Variants in KLRG2 observed in about 807,000 individuals in gnomAD.
KLRG2 encodes the protein killer cell lectin-like receptor subfamily G member 2.
Under a neutral mutation model 35.4 loss-of-function variants are expected in KLRG2, and 39 were observed. That is an observed-to-expected ratio of 1.10 (90% CI 0.85 to 1.44). KLRG2 has a LOEUF of 1.44. KLRG2 is among the 40% of genes most tolerant of loss of function. The pLI is 0.00. For synonymous variants in KLRG2, 283 were observed against 265.8 expected (o/e 1.06, Z -0.63); for missense variants, 632 against 570.9 (o/e 1.11, Z -1.09).
intron 3 of KLRG2, among the ~76,000 whole-genome samples, chr7:139,465,912 A>G (rs1041309012): frequency 6.6e-6 from 1 of 152,004 alleles, no homozygotes; most frequent in Non-Finnish European, 1.5e-5. Context: ...GCACCTATCA[A>G]TCTCTTCCCA....
chr7:139,454,747 CAG>C (rs1201949667), intron 3 of KLRG2, among the ~76,000 whole-genome samples: 5 of 151,326 alleles, frequency 3.3e-5, no homozygotes, highest in Non-Finnish European at 7.4e-5. Context: ...GCCCAGGAGA[CAG>C]AGGTTGCAGT....
chr7:139,436,123 G>T, the KLRG2 span, among the ~76,000 whole-genome samples: 1 of 151,984 alleles, frequency 6.6e-6, no homozygotes, highest in African/African-American at 2.4e-5. Context: ...GGCTGGTCTC[G>T]AACTCCTGAC....
chr7:139,442,974 T>C, the KLRG2 span, among the ~76,000 whole-genome samples: 2 of 150,952 alleles, frequency 1.3e-5, no homozygotes, highest in East Asian at 3.9e-4. Context: ...CAAAGTAGAA[T>C]AGACAAAAGT....
chr7:139,461,479 G>A (rs1796566153), intron 3 of KLRG2, among the ~76,000 whole-genome samples: 1 of 152,190 alleles, frequency 6.6e-6, no homozygotes, highest in Non-Finnish European at 1.5e-5. Flanking sequence ...AGGCCTCTGA[G>A]CCCAAGCTAA....
intron 3 of KLRG2, among the ~76,000 whole-genome samples, chr7:139,476,230 C>G (rs994372795): frequency 1.3e-5 from 2 of 152,154 alleles, no homozygotes; most frequent in African/African-American, 4.8e-5. Context: ...TGGCAAAACT[C>G]TGACTCCACT....
intron 3 of KLRG2, among the ~76,000 whole-genome samples, chr7:139,459,925 T>C (rs1796540247): frequency 6.6e-6 from 1 of 152,186 alleles, no homozygotes. Context: ...TAATTTTTTG[T>C]ATTTTTAGTA....
chr7:139,483,238 C>T lies in KLRG2; in HGVS notation c.405G>A (p.Ala135=). Residue 135 remains alanine (A), a synonymous_variant, in exon 1 of 5, where the codon GCG becomes GCA. Coordinates refer to ENST00000340940, the MANE Select transcript of KLRG2 (RefSeq NM_198508.4). Reference sequence around the variant, plus strand: ...GCGATGGCGTGCTGCTGCCACCGGCCGCGCCCACGGGCTTCACGCGCACAT... The same window carrying T: ...GCGATGGCGTGCTGCTGCCACCGGCTGCGCCCACGGGCTTCACGCGCACAT... The part of the protein sequence containing the change: ...QVDVRVKPVG[A]AGGSSTPSPR... 1.3e-6 allele frequency: 2 copies of T among 1,543,788 alleles called. No homozygotes were observed. The highest frequency in any genetic ancestry group is 1.9e-5 in the Admixed American group (1 of 52,636).
At chr7:139,458,565 C>A (rs1038803846) in intron 3 of KLRG2, among the ~76,000 whole-genome samples, 1 of 149,620 alleles carries the variant, frequency 6.7e-6, no homozygotes, top group Admixed American at 6.6e-5. Context: ...AACTCCCCAT[C>A]CCCCGCTGCA....
Position 139,483,561 on chromosome 7 carries a change from TG to T in KLRG2, c.81del (p.Thr28ArgfsTer99). On this transcript the variant is annotated frameshift_variant, in exon 1 of 5. Transcript: ENST00000340940. LOFTEE classifies it high-confidence loss of function. ...LPMEPVGSLVPTLEQPQVPAK... is the reference protein window; with the variant it reads ...LPMEPVGSLVXTLEQPQVPAK... Reference sequence around the variant, plus strand: ...GCGGGCACCTGCGGCTGCTCCAGCGTGGGGACCAGGCTTCCCACGGGCTCCA... The same window carrying T: ...GCGGGCACCTGCGGCTGCTCCAGCGTGGGACCAGGCTTCCCACGGGCTCCA... The T allele has an allele frequency of 6.3e-7, 1 of 1,598,514 alleles. No homozygotes were observed. Among genetic ancestry groups the T allele is most frequent in the Non-Finnish European group, 8.5e-7 (1 of 1,178,862 alleles).
downstream of KLRG2, among the ~76,000 whole-genome samples, chr7:139,447,950 A>G (rs568575972): frequency 2.0e-5 from 3 of 152,262 alleles, no homozygotes; most frequent in African/African-American, 7.2e-5. Context: ...CCAACACTCT[A>G]CGAGTGCTAA....
chr7:139,438,394 C>G, the KLRG2 span, among the ~76,000 whole-genome samples: 2 of 152,024 alleles, frequency 1.3e-5, no homozygotes, highest in African/African-American at 4.8e-5. Flanking sequence ...GGCTATTTTC[C>G]TTGGTATATA....
chr7:139,477,526 G>C (rs1796871682), intron 3 of KLRG2, among the ~76,000 whole-genome samples: 1 of 152,098 alleles, frequency 6.6e-6, no homozygotes, highest in South Asian at 2.1e-4. Flanking sequence ...TCTTAGAATA[G>C]TTCAAACCAA....
the KLRG2 span, among the ~76,000 whole-genome samples, chr7:139,437,392 T>C: frequency 8.2e-6 from 1 of 121,876 alleles, no homozygotes; most frequent in African/African-American, 3.2e-5. Flanking sequence ...ACTACTGCAC[T>C]CCAGCCCGGG....
the KLRG2 span, among the ~76,000 whole-genome samples, chr7:139,430,389 C>T: frequency 2.8e-5 from 4 of 141,770 alleles, no homozygotes; most frequent in Non-Finnish European, 6.0e-5. Context: ...GCAACAAGAG[C>T]GAAACTCCAT....
At chr7:139,446,616 C>T in the KLRG2 span, among the ~76,000 whole-genome samples, 1 of 152,138 alleles carries the variant, frequency 6.6e-6, no homozygotes, top group East Asian at 1.9e-4. Context: ...GCTGGGATTA[C>T]AGGCGTGAGC....
chr7:139,448,039 G>T (rs566645726), downstream of KLRG2, among the ~76,000 whole-genome samples: 2 of 152,228 alleles, frequency 1.3e-5, no homozygotes, highest in East Asian at 3.9e-4. Flanking sequence ...CTGTCACTCA[G>T]GCTGGAGTGC....
At chr7:139,442,911 A>G in the KLRG2 span, among the ~76,000 whole-genome samples, 1 of 152,144 alleles carries the variant, frequency 6.6e-6, no homozygotes, top group Non-Finnish European at 1.5e-5. Flanking sequence ...AATCATAAAA[A>G]GGAAGAGCAA....
Position 139,454,129 on chromosome 7 carries a change from GC to G in KLRG2, c.1090del (p.Ala364ProfsTer69), listed in dbSNP as rs1569409153. 1.3e-6 allele frequency: 2 copies of G among 1,541,584 alleles called. No individual in the cohort carries two copies. Among genetic ancestry groups the G allele is most frequent in the South Asian group, 2.4e-5 (2 of 83,812 alleles). On this transcript the variant is annotated frameshift_variant, in exon 4 of 5. Coordinates refer to ENST00000340940, the MANE Select transcript of KLRG2 (RefSeq NM_198508.4). LOFTEE classifies it low-confidence loss of function (END_TRUNC). ...GPQGWHWIDE[A>X]PLPPQLLPED... is the part of the protein sequence containing the mutation. ...CACTCACAGCTGGGGCGGGAGTGGG[GC>G]CTCGTCGATCCAGTGCCAGCCCTGG... is the stretch of plus-strand genomic sequence containing the variant.
intron 3 of KLRG2, among the ~76,000 whole-genome samples, chr7:139,461,863 A>G (rs1796575074): frequency 6.6e-6 from 1 of 152,132 alleles, no homozygotes; most frequent in South Asian, 2.1e-4. Flanking sequence ...TGCGTGTGAC[A>G]TTTGGTGCCA....
Sources: allele counts gnomAD v4.1 joint callset (sites outside exome capture counted in the v4.1 genomes callset), GRCh38; gene constraint gnomAD v4.1.1; transcripts MANE v1.5; gene names NCBI Gene and HGNC (gene_info 2026-07-23, HGNC 2026-07-21).